Variants in ALG9 observed in about 807,000 individuals in gnomAD.
The protein encoded by ALG9 is ALG9 alpha-1,2-mannosyltransferase, also known as alpha-1,2-mannosyltransferase ALG9.
ALG9 carries 55 observed loss-of-function variants against 81.8 expected under a neutral mutation model. The ratio of observed to expected loss-of-function variants is 0.67; its 90% CI spans 0.54 to 0.84. The LOEUF is 0.84. ALG9 is among the 40% of genes least tolerant of loss of function. The pLI is 0.00. For missense variants in ALG9, 629 were observed against 745.0 expected (o/e 0.84, Z 1.81); for synonymous variants, 278 against 274.3 (o/e 1.01, Z -0.13).
chr11:111,799,728 A>G (rs1195495516), intron 14 of ALG9, among the ~76,000 whole-genome samples: 4 of 152,222 alleles, frequency 2.6e-5, no homozygotes, highest in Non-Finnish European at 5.9e-5. Context: ...ATTTCAATTT[A>G]TCCAGGACAG....
At chr11:111,837,731 G>T in intron 11 of ALG9, 116 bp from the exon 12 acceptor site, 1 of 1,170,148 alleles carries the variant, frequency 8.5e-7, no homozygotes, top group Non-Finnish European at 1.2e-6. Flanking sequence ...AGGCAGGAAG[G>T]GCCATAGCCA....
chr11:111,840,952 T>C, intron 9 of ALG9, 143 bp from the exon 10 acceptor site: 1 of 979,718 alleles, frequency 1.0e-6, no homozygotes, highest in African/African-American at 1.6e-5. Context: ...TCACACTTTC[T>C]CCAATGCCAT....
downstream of ALG9, among the ~76,000 whole-genome samples, chr11:111,778,657 A>C (rs540282327): frequency 3.3e-5 from 5 of 152,174 alleles, no homozygotes; most frequent in South Asian, 1.0e-3. Context: ...TTAGTCTCTC[A>C]GTCTTTATCC....
Position 111,785,095 on chromosome 11 carries a change from G to A in ALG9, c.*1302C>T, listed in dbSNP as rs1555061522. On this transcript the variant is annotated 3_prime_UTR_variant, in exon 15 of 15. Transcript: ENST00000616540. Reference sequence around the variant, plus strand: ...AGTAATGTTTTCATGGTTGAGTGAGGAATATGGAGGAGCAATAGATGAGAG... The same window carrying A: ...AGTAATGTTTTCATGGTTGAGTGAGAAATATGGAGGAGCAATAGATGAGAG... 1 of 152,638 alleles carries A rather than the reference G, an allele frequency of 6.6e-6. No individual in the cohort carries two copies. The highest frequency in any genetic ancestry group is 2.4e-5 in the African/African-American group (1 of 41,450). 9.5% of individuals were successfully genotyped at this position (152,638 alleles called of 1,614,324 possible). A position where few individuals can be genotyped will look rare whatever the true frequency, so the allele number is the denominator to read the frequency against.
chr11:111,853,239 A>G, intron 8 of ALG9, 141 bp downstream of exon 8: 1 of 714,316 alleles, frequency 1.4e-6, no homozygotes, highest in Non-Finnish European at 2.5e-6. Flanking sequence ...TGCTATACTC[A>G]GATGTCATTT....
In ALG9 at chr11:111,782,735, G is replaced by T. The variant is rs1946051858; in HGVS notation, c.*3662C>A. 1.3e-5 allele frequency: 2 copies of T among 152,172 alleles called. No individual in the cohort carries two copies. Among genetic ancestry groups the T allele is most frequent in the Non-Finnish European group, 2.9e-5 (2 of 68,048 alleles). The allele number at this position is 152,172 out of a possible 1,614,324, so 9.4% of individuals were successfully genotyped here. ...CAAAACACAATAAATGATTGCCACT[G>T]GAGCTTTGCCCAAATGGTCACCGTA... On this transcript the variant is annotated 3_prime_UTR_variant, in exon 15 of 15. Transcript: ENST00000616540.
intron 13 of ALG9, among the ~76,000 whole-genome samples, chr11:111,832,096 AT>A (rs1565935164): frequency 6.6e-6 from 1 of 152,136 alleles, no homozygotes. Flanking sequence ...CACCTTTGCT[AT>A]TATAACTTTT....
intron 8 of ALG9, among the ~76,000 whole-genome samples, chr11:111,846,931 C>T (rs1166957764): frequency 6.6e-6 from 1 of 152,148 alleles, no homozygotes; most frequent in African/African-American, 2.4e-5. Context: ...AAGCTGGCAG[C>T]AGGGTCTCTG....
chr11:111,865,197 C>A lies in ALG9; in HGVS notation c.460G>T (p.Glu154Ter). ...TATACTCACTTGTAAAAGTAAAGTT[C>A]ACAAATACAGCTCACAAAAGCCAGA... is the stretch of plus-strand genomic sequence containing the variant. ...CLLAFVSCIC[E>*]LYFYKAVCKK... Residue 154 changes from glutamate (E) to a stop codon, truncating the protein, a stop_gained, in exon 4 of 15, where the codon GAA becomes TAA. Transcript: ENST00000616540. LOFTEE classifies it high-confidence loss of function. 1 of 1,548,514 alleles carries A rather than the reference C, an allele frequency of 6.5e-7. No homozygotes were observed. The highest frequency in any genetic ancestry group is 1.2e-5 in the South Asian group (1 of 82,456).
At chr11:111,848,374 C>T (rs1156364272) in intron 8 of ALG9, among the ~76,000 whole-genome samples, 2 of 152,030 alleles carry the variant, frequency 1.3e-5, no homozygotes, top group Non-Finnish European at 2.9e-5. Context: ...AGAAAGGTCC[C>T]TTTGAAAACC....
chr11:111,839,975 A>G (rs982692645), intron 10 of ALG9, among the ~76,000 whole-genome samples: 25 of 152,162 alleles, frequency 1.6e-4, no homozygotes, highest in Non-Finnish European at 3.4e-4. Context: ...ACAATAGCTA[A>G]AGGGTACAGG....
chr11:111,796,338 A>C (rs1282562931), intron 14 of ALG9, among the ~76,000 whole-genome samples: 1 of 152,206 alleles, frequency 6.6e-6, no homozygotes, highest in Admixed American at 6.5e-5. Context: ...ACCTCTGATG[A>C]TGCTGCCTGC....
At chr11:111,869,472 G>A (rs1472929014) in intron 2 of ALG9, among the ~76,000 whole-genome samples, 1 of 152,100 alleles carries the variant, frequency 6.6e-6, no homozygotes, top group Non-Finnish European at 1.5e-5. Flanking sequence ...GTGAAAAAAA[G>A]TGGTTGCTTC....
At chr11:111,819,645 T>C (rs1412852995) in intron 13 of ALG9, among the ~76,000 whole-genome samples, 1 of 152,266 alleles carries the variant, frequency 6.6e-6, no homozygotes, top group Non-Finnish European at 1.5e-5. Context: ...ATGTTATTAA[T>C]TTAATACTTA....
intron 4 of ALG9, among the ~76,000 whole-genome samples, chr11:111,863,892 C>T (rs1173551618): frequency 2.0e-5 from 3 of 152,080 alleles, no homozygotes; most frequent in African/African-American, 7.2e-5. Flanking sequence ...AAGTAAAGAC[C>T]AGTTAGATAG....
At chr11:111,770,698 T>TA in the ALG9 span, among the ~76,000 whole-genome samples, 5 of 152,008 alleles carry the variant, frequency 3.3e-5, no homozygotes, top group African/African-American at 4.8e-5. Context: ...ACCCTGTCTC[T>TA]AAAAAATAAA....
At chr11:111,808,407 T>A (rs1361549468) in intron 14 of ALG9, among the ~76,000 whole-genome samples, 1 of 152,210 alleles carries the variant, frequency 6.6e-6, no homozygotes, top group Non-Finnish European at 1.5e-5. Context: ...GCTAGTGACC[T>A]GGTATGCAGG....
chr11:111,811,118 T>C (rs1950641015), intron 13 of ALG9, among the ~76,000 whole-genome samples: 2 of 152,248 alleles, frequency 1.3e-5, no homozygotes, highest in African/African-American at 4.8e-5. Flanking sequence ...ACTTACAGGA[T>C]GTCAATCAAT....
chr11:111,778,964 G>A (rs113930788), downstream of ALG9, among the ~76,000 whole-genome samples: 1,835 of 151,966 alleles, frequency 0.012, 51 homozygotes, highest in African/African-American at 0.042. Context: ...ACAGGCATGC[G>A]CCACCACGCC....
Sources: allele counts gnomAD v4.1 joint callset (sites outside exome capture counted in the v4.1 genomes callset), GRCh38; gene constraint gnomAD v4.1.1; transcripts MANE v1.5; gene names NCBI Gene and HGNC (gene_info 2026-07-23, HGNC 2026-07-21).